The following ADCY5 variants were observed in gnomAD, a reference collection of about 807,000 sequenced individuals.
The protein encoded by ADCY5 is adenylate cyclase type 5.
In ADCY5, 30 loss-of-function variants were observed where a neutral mutation model predicts 119.7. The ratio of observed to expected loss-of-function variants is 0.25; its 90% CI spans 0.19 to 0.34. The LOEUF (loss-of-function observed/expected upper bound fraction) is 0.34, where lower values mean the gene tolerates loss of function less well. Ranked by LOEUF, ADCY5 falls within the 10% of genes least tolerant of loss-of-function variation. The probability of loss-of-function intolerance (pLI) is 1.00; values close to 1 mark genes in which losing one functional copy is unlikely to be tolerated. For synonymous variants in ADCY5, 753 were observed against 762.2 expected (o/e 0.99, Z 0.20); for missense variants, 1,324 against 1,775.2 (o/e 0.75, Z 4.57).
intron 1 of ADCY5, among the ~76,000 whole-genome samples, chr3:123,400,428 TA>T (rs984606793): frequency 1.3e-5 from 2 of 152,196 alleles, no homozygotes; most frequent in African/African-American, 4.8e-5. Context: ...CTGAGAATCC[TA>T]AGGAAATAAT....
intron 1 of ADCY5, among the ~76,000 whole-genome samples, chr3:123,373,213 A>G (rs1943695963): frequency 6.6e-6 from 1 of 152,232 alleles, no homozygotes; most frequent in Non-Finnish European, 1.5e-5. Context: ...GTGTGTCCCA[A>G]TCACAGCCAT....
chr3:123,372,744 G>A (rs751087380), intron 1 of ADCY5, among the ~76,000 whole-genome samples: 1 of 152,186 alleles, frequency 6.6e-6, no homozygotes, highest in Non-Finnish European at 1.5e-5. Context: ...GTCAGTCAAA[G>A]TCTGCACCAA....
chr3:123,393,944 G>A (rs1367126694), intron 1 of ADCY5, among the ~76,000 whole-genome samples: 1 of 152,142 alleles, frequency 6.6e-6, no homozygotes, highest in African/African-American at 2.4e-5. Flanking sequence ...GACCAGGCTG[G>A]CCAACATGGT....
intron 1 of ADCY5, among the ~76,000 whole-genome samples, chr3:123,402,030 TC>T (rs1278393408): frequency 6.6e-6 from 1 of 152,102 alleles, no homozygotes; most frequent in East Asian, 1.9e-4. Context: ...ATCCACCAGT[TC>T]CTCCAAGACC....
At chr3:123,375,605 C>T (rs746187691) in intron 1 of ADCY5, among the ~76,000 whole-genome samples, 46 of 152,230 alleles carry the variant, frequency 3.0e-4, no homozygotes, top group Non-Finnish European at 6.0e-4. Context: ...AGAATGTCTT[C>T]AGCTAAGAGT....
In ADCY5 at chr3:123,284,405, C is replaced by T. The variant is rs371898800; in HGVS notation, c.*203G>A. ...AAACATCTTTGGTCAGCTGGGTGCT[C>T]GCAGGACGCTGGCACCCCGGGGCCT... On this transcript the variant is annotated 3_prime_UTR_variant, in exon 21 of 21. Coordinates refer to ENST00000462833, the MANE Select transcript of ADCY5 (RefSeq NM_183357.3). The T allele has an allele frequency of 4.8e-4, 340 of 715,570 alleles. 3 individuals are homozygous for T. The East Asian group carries it at 4.8e-3, about 10-fold the overall frequency. The allele number at this position is 715,570 out of a possible 1,614,324, so 44.3% of individuals were successfully genotyped here. A position where few individuals can be genotyped will look rare whatever the true frequency, so the allele number is the denominator to read the frequency against.
At chr3:123,390,521 T>C (rs1347884058) in intron 1 of ADCY5, among the ~76,000 whole-genome samples, 1 of 152,208 alleles carries the variant, frequency 6.6e-6, no homozygotes, top group Admixed American at 6.5e-5. Context: ...TTTCTCTGCA[T>C]CCACAGAGGT....
chr3:123,405,273 T>C (rs575055847), intron 1 of ADCY5, among the ~76,000 whole-genome samples: 2 of 152,338 alleles, frequency 1.3e-5, no homozygotes, highest in South Asian at 4.1e-4. Flanking sequence ...GCAGCAGCCT[T>C]GCCCCGCGGA....
chr3:123,402,562 C>G (rs1465794262), intron 1 of ADCY5, among the ~76,000 whole-genome samples: 1 of 152,168 alleles, frequency 6.6e-6, no homozygotes, highest in African/African-American at 2.4e-5. Flanking sequence ...TTAAAGGAGC[C>G]CTAGTCGGCT....
chr3:123,319,937 C>A, intron 9 of ADCY5, 119 bp from the exon 10 acceptor site: 5 of 1,387,796 alleles, frequency 3.6e-6, no homozygotes, highest in Non-Finnish European at 4.9e-6. Flanking sequence ...CCACCATCAG[C>A]CCAATCAGGG....
rs71142731 is a variant in ADCY5, at chr3:123,317,750, C to CAA, written c.2354+268_2354+269dup. The stretch of plus-strand genomic sequence containing the variant: ...ACGCTGTGTCCCCACCACGCCGACC[C>CAA]AAAAAAAAAAAAAAAAGAAGCATCT... On this transcript the variant is annotated intron_variant, in intron 11 of 20. Coordinates refer to ENST00000462833, the MANE Select transcript of ADCY5 (RefSeq NM_183357.3). Among the ~76,000 whole-genome samples the CAA allele has an allele frequency of 9.1e-3, 1,216 of 133,558 alleles. 9 individuals are homozygous for CAA. The highest frequency in any genetic ancestry group is 0.013 in the Non-Finnish European group (829 of 62,998). 87.6% of individuals were successfully genotyped at this position (133,558 alleles called of 152,430 possible). A position where few individuals can be genotyped will look rare whatever the true frequency, so the allele number is the denominator to read the frequency against.
In ADCY5 at chr3:123,352,762, G is replaced by T. The variant is rs142573153; in HGVS notation, c.1135-181C>A. Among the ~76,000 whole-genome samples, 2 of 152,302 alleles carry T rather than the reference G, an allele frequency of 1.3e-5. No homozygotes were observed. The highest frequency in any genetic ancestry group is 2.9e-5 in the Non-Finnish European group (2 of 68,026). On this transcript the variant is annotated intron_variant, in intron 1 of 20. Coordinates refer to ENST00000462833, the MANE Select transcript of ADCY5 (RefSeq NM_183357.3). This position sits in a 1 kb window ranked among gnomAD's most constrained non-coding sequence, Gnocchi z 4.8. Reference sequence around the variant, plus strand: ...AGCATAATCGATCGGGCTCTCTGATGTCCTCAAAGCCAGAAGTTTGGCTGG... The same window carrying T: ...AGCATAATCGATCGGGCTCTCTGATTTCCTCAAAGCCAGAAGTTTGGCTGG...
chr3:123,311,522 A>G (rs945327071), intron 12 of ADCY5, among the ~76,000 whole-genome samples: 2 of 152,218 alleles, frequency 1.3e-5, no homozygotes, highest in Non-Finnish European at 2.9e-5. Flanking sequence ...AGAAGAATTC[A>G]GTGGAAAGAA....
chr3:123,440,842 C>A (rs765891874), intron 1 of ADCY5, among the ~76,000 whole-genome samples: 5 of 152,136 alleles, frequency 3.3e-5, no homozygotes, highest in Non-Finnish European at 7.4e-5. Flanking sequence ...GGCGAGGGGG[C>A]AAGAGAGAGT....
chr3:123,334,874 A>G (rs894360086), intron 3 of ADCY5, among the ~76,000 whole-genome samples: 5 of 152,244 alleles, frequency 3.3e-5, no homozygotes, highest in Admixed American at 1.3e-4. Flanking sequence ...AGCAAATCCA[A>G]CACCTCACAT....
intron 13 of ADCY5, 98 bp from the exon 14 acceptor site, chr3:123,303,317 G>A (rs921527099): frequency 6.5e-5 from 85 of 1,312,892 alleles, no homozygotes; most frequent in Admixed American, 1.0e-4. Context: ...CCTGTCCTCC[G>A]CCTCAGGTGC....
rs771931187 is a variant in ADCY5 at position 123,448,331 on chromosome 3, C to T, written c.215G>A (p.Arg72His). The T allele has an allele frequency of 1.3e-6, 2 of 1,533,650 alleles. No homozygotes were observed. Among genetic ancestry groups the T allele is most frequent in the South Asian group, 1.2e-5 (1 of 84,238 alleles). ...ATCGTCGTCGTCGTCGCTGCGCCAG[C>T]GGCTGGCCAGGCGCTGCTGCTGCTG... Reference protein sequence around the residue: ...TPQQQQRLASRWRSDDDDDPP... With the variant: ...TPQQQQRLASHWRSDDDDDPP... Residue 72 changes from arginine to histidine, a missense_variant, in exon 1 of 21, where the codon CGC (arginine) becomes CAC (histidine). Arg to His is a conservative substitution (Grantham distance 29). This residue lies in a region of ADCY5 where 585 missense variants were observed against 569.9 expected (regional missense o/e 1.03). Transcript: ENST00000462833.
At chr3:123,416,541 C>G (rs748822016) in intron 1 of ADCY5, among the ~76,000 whole-genome samples, 1 of 152,124 alleles carries the variant, frequency 6.6e-6, no homozygotes, top group Non-Finnish European at 1.5e-5. Context: ...AAACTCCTAC[C>G]CGATAGGGCT....
intron 1 of ADCY5, among the ~76,000 whole-genome samples, chr3:123,396,952 A>T (rs1944616019): frequency 1.3e-5 from 2 of 152,018 alleles, no homozygotes; most frequent in Admixed American, 1.3e-4. Flanking sequence ...CCTTCCCATG[A>T]CTTTGGGGAA....
Sources: gnomAD v4.1 joint callset for allele counts (sites outside exome capture counted in the v4.1 genomes callset) on GRCh38, gnomAD v4.1.1 for gene constraint, gnomAD v4.1.1 regional missense constraint, Gnocchi (gnomAD v3.1) non-coding constraint, MANE v1.5 for transcripts, NCBI Gene and HGNC (gene_info 2026-07-23, HGNC 2026-07-21) for gene names.